WDPCP: variants seen among roughly 807,000 people sequenced by gnomAD.
WDPCP encodes the protein WD repeat-containing and planar cell polarity effector protein fritz homolog.
A neutral mutation model predicts 93.1 loss-of-function variants in WDPCP; 71 were observed. The ratio of observed to expected loss-of-function variants is 0.76; its 90% CI spans 0.63 to 0.93. WDPCP has a LOEUF of 0.93. Among genes scored for constraint, WDPCP ranks in the 40% least tolerant of loss-of-function variants. The probability of loss-of-function intolerance (pLI) is 0.00; values close to 1 mark genes in which losing one functional copy is unlikely to be tolerated. For synonymous variants in WDPCP, 315 were observed against 315.0 expected (o/e 1.00, Z 0.00); for missense variants, 844 against 887.4 (o/e 0.95, Z 0.62).
the WDPCP span, among the ~76,000 whole-genome samples, chr2:63,834,050 G>A: frequency 2.6e-5 from 4 of 152,048 alleles, no homozygotes; most frequent in Non-Finnish European, 5.9e-5. Flanking sequence ...TTCTCACTAG[G>A]AAACTGGTAA....
chr2:63,269,415 T>C (rs1230435788), intron 13 of WDPCP, among the ~76,000 whole-genome samples: 1 of 152,318 alleles, frequency 6.6e-6, no homozygotes, highest in Non-Finnish European at 1.5e-5. Flanking sequence ...GATTTCAAAA[T>C]GTACACATAT....
chr2:63,454,611 G>A (rs1378748339), intron 6 of WDPCP, among the ~76,000 whole-genome samples: 1 of 152,102 alleles, frequency 6.6e-6, no homozygotes, highest in African/African-American at 2.4e-5. Context: ...TATTCCTGAA[G>A]GTGTGGAGAT....
At chr2:63,323,990 C>T (rs536399366) in intron 12 of WDPCP, among the ~76,000 whole-genome samples, 2 of 152,012 alleles carry the variant, frequency 1.3e-5, no homozygotes, top group Non-Finnish European at 2.9e-5. Context: ...CATCAACAGG[C>T]TCACCTTTGA....
rs35826419 is a variant in WDPCP at position 63,398,766 on chromosome 2, G to GA, written c.1435+5281dup. 2.0e-3 allele frequency among the ~76,000 whole-genome samples: 290 copies of GA among 147,458 alleles called. 1 individual carries two copies. Among genetic ancestry groups the GA allele is most frequent in the South Asian group, 4.3e-3 (20 of 4,698 alleles). ...CCAAAGGCTTGCATAACAAGCATCT[G>GA]AAAAAAAAAAAAATCTCATAAATGC... On this transcript the variant is annotated intron_variant, in intron 10 of 17. Coordinates refer to ENST00000272321, the MANE Select transcript of WDPCP (RefSeq NM_015910.7).
intron 1 of WDPCP, among the ~76,000 whole-genome samples, chr2:63,498,452 A>G (rs1304167084): frequency 1.3e-5 from 2 of 152,210 alleles, no homozygotes; most frequent in Non-Finnish European, 1.5e-5. Flanking sequence ...AAAAATTTCA[A>G]TTTTTAATAC....
At chr2:63,829,382 T>G (rs1205784233), upstream of WDPCP, among the ~76,000 whole-genome samples, 2 of 152,080 alleles carry the variant, frequency 1.3e-5, no homozygotes, top group Admixed American at 6.6e-5. Context: ...TTCTGATAGT[T>G]ACTCCATAAT....
chr2:63,529,566 G>A (rs185776538), intron 1 of WDPCP, among the ~76,000 whole-genome samples: 101 of 152,272 alleles, frequency 6.6e-4, no homozygotes, highest in East Asian at 1.2e-3. Flanking sequence ...GGATGAAACC[G>A]ACTTCATCAT....
intron 2 of WDPCP, among the ~76,000 whole-genome samples, chr2:63,706,465 T>C (rs913738619): frequency 6.6e-6 from 1 of 152,176 alleles, no homozygotes; most frequent in African/African-American, 2.4e-5. Context: ...AGTGCTTCCT[T>C]CAGGAGCTCT....
At chr2:63,269,823 A>G (rs1046582049) in intron 13 of WDPCP, among the ~76,000 whole-genome samples, 1 of 152,194 alleles carries the variant, frequency 6.6e-6, no homozygotes, top group South Asian at 2.1e-4. Context: ...TTCGTATTCT[A>G]CAGCTTTACA....
intron 6 of WDPCP, among the ~76,000 whole-genome samples, chr2:63,447,494 T>C (rs1030274778): frequency 4.6e-5 from 7 of 152,122 alleles, no homozygotes; most frequent in Admixed American, 4.6e-4. Context: ...TTCTCAAAAG[T>C]CGGAATACTG....
Position 63,744,479 on chromosome 2 carries a change from C to T in WDPCP, n.308+69143G>A, listed in dbSNP as rs1255455147. On this transcript the variant is annotated intron_variant and non_coding_transcript_variant, in intron 2 of 4. Transcript: ENST00000467687. ...TTCCATAGTTACACTGTCCATACTT[C>T]TCTCAATGTTAAATCAAACAAATTA... 3.9e-5 allele frequency among the ~76,000 whole-genome samples: 6 copies of T among 152,226 alleles called. No homozygotes were observed. The East Asian group carries it at 7.7e-4, about 20-fold the overall frequency.
chr2:63,682,580 C>G (rs1668726712), intron 2 of WDPCP, among the ~76,000 whole-genome samples: 1 of 151,570 alleles, frequency 6.6e-6, no homozygotes, highest in Non-Finnish European at 1.5e-5. Context: ...AGTTATTGGC[C>G]TTAAAGAGGA....
chr2:63,225,506 A>T (rs1285588910), intron 14 of WDPCP, among the ~76,000 whole-genome samples: 1 of 151,788 alleles, frequency 6.6e-6, no homozygotes, highest in East Asian at 1.9e-4. Context: ...ATGCCCTAAG[A>T]CCCAACAATT....
chr2:63,538,432 A>G (rs1440232240), intron 1 of WDPCP, among the ~76,000 whole-genome samples: 1 of 152,216 alleles, frequency 6.6e-6, no homozygotes, highest in East Asian at 1.9e-4. Flanking sequence ...TAGAGCTTTC[A>G]TAACTTTAAA....
intron 1 of WDPCP, among the ~76,000 whole-genome samples, chr2:63,548,730 A>G (rs1455428741): frequency 6.6e-6 from 1 of 151,966 alleles, no homozygotes; most frequent in East Asian, 1.9e-4. Flanking sequence ...CCTGGCCTCA[A>G]GCGATCTTCC....
At chr2:63,499,421 A>G (rs72883674) in intron 1 of WDPCP, among the ~76,000 whole-genome samples, 291 of 152,326 alleles carry the variant, frequency 1.9e-3, no homozygotes, top group African/African-American at 6.7e-3. Flanking sequence ...GCTAATTAGG[A>G]ACAATGAAGT....
rs1692345418 is a variant in WDPCP at position 63,381,952 on chromosome 2, G to A, written c.1578C>T (p.Ala526=). ...LGHQCFISMS[A]IVNHLLRQKL... ...TCTGTCTAAGAAGATGGTTTACAAT[G>A]GCGCTCATGCTGATAAAGCACTGGT... Residue 526 remains alanine (A), a synonymous_variant, in exon 11 of 18, where the codon GCC becomes GCT. Coordinates refer to ENST00000272321, the MANE Select transcript of WDPCP (RefSeq NM_015910.7). 17 of 1,613,494 alleles carry A rather than the reference G, an allele frequency of 1.1e-5. No individual in the cohort carries two copies. The highest frequency in any genetic ancestry group is 1.4e-5 in the Non-Finnish European group (17 of 1,179,702).
intron 15 of WDPCP, among the ~76,000 whole-genome samples, chr2:63,161,455 G>T (rs1398439286): frequency 6.6e-6 from 1 of 152,098 alleles, no homozygotes; most frequent in Non-Finnish European, 1.5e-5. Flanking sequence ...TAGACCCAAA[G>T]AAATAGTGAA....
intron 2 of WDPCP, among the ~76,000 whole-genome samples, chr2:63,666,362 T>C (rs979390387): frequency 6.6e-6 from 1 of 152,220 alleles, no homozygotes; most frequent in African/African-American, 2.4e-5. Context: ...CTGCCTGCTG[T>C]GTGTTTTCAT....
Sources: allele counts gnomAD v4.1 joint callset (sites outside exome capture counted in the v4.1 genomes callset), GRCh38; gene constraint gnomAD v4.1.1; transcripts MANE v1.5; gene names NCBI Gene and HGNC (gene_info 2026-07-23, HGNC 2026-07-21).